PDE1C: variants seen among roughly 807,000 people sequenced by gnomAD.
The protein encoded by PDE1C is dual specificity calcium/calmodulin-dependent 3',5'-cyclic nucleotide phosphodiesterase 1C.
In PDE1C, 62 loss-of-function variants were observed where a neutral mutation model predicts 93.1. The observed-to-expected ratio is 0.67, with a 90% CI of 0.54 to 0.82. PDE1C has a LOEUF of 0.82. PDE1C is among the 40% of genes least tolerant of loss of function. The pLI is 0.00. For synonymous variants in PDE1C, 325 were observed against 310.1 expected (o/e 1.05, Z -0.50); for missense variants, 742 against 884.6 (o/e 0.84, Z 2.04).
upstream of PDE1C, among the ~76,000 whole-genome samples, chr7:32,300,509 G>A (rs1812856975): frequency 1.3e-5 from 2 of 152,186 alleles, no homozygotes; most frequent in Non-Finnish European, 1.5e-5. Context: ...AAATGGCTCT[G>A]CTCACAGATA....
At chr7:31,812,163 C>A (rs3807615) in intron 15 of PDE1C, among the ~76,000 whole-genome samples, 5,332 of 152,152 alleles carry the variant, frequency 0.035, 143 homozygotes, top group African/African-American at 0.068. Flanking sequence ...CTCTAAACTG[C>A]TTTCTTTTCC....
At chr7:32,311,961 A>C (rs1330755509) in intron 1 of PDE1C, among the ~76,000 whole-genome samples, 1 of 151,292 alleles carries the variant, frequency 6.6e-6, no homozygotes, top group Non-Finnish European at 1.5e-5. Flanking sequence ...GAGGAAGTCA[A>C]ATTGTCCCTG....
At chr7:31,836,247 T>G (rs1229615808) in intron 11 of PDE1C, among the ~76,000 whole-genome samples, 1 of 152,242 alleles carries the variant, frequency 6.6e-6, no homozygotes, top group African/African-American at 2.4e-5. Flanking sequence ...TCGGTCTTGG[T>G]GCTATGCATT....
chr7:32,172,396 C>T (rs554357817), intron 2 of PDE1C, among the ~76,000 whole-genome samples: 1 of 152,256 alleles, frequency 6.6e-6, no homozygotes, highest in Non-Finnish European at 1.5e-5. Flanking sequence ...TGAACAGACA[C>T]TTCTCCAAAG....
chr7:32,208,717 C>CCCCT (rs1562581962), intron 2 of PDE1C, among the ~76,000 whole-genome samples: 24 of 152,144 alleles, frequency 1.6e-4, no homozygotes, highest in African/African-American at 5.6e-4. Context: ...TATTTTCCCC[C>CCCCT]CCCTTCTTTG....
chr7:31,680,806 C>A, the PDE1C span, among the ~76,000 whole-genome samples: 1 of 152,092 alleles, frequency 6.6e-6, no homozygotes, highest in African/African-American at 2.4e-5. Context: ...TAGGGCAAAC[C>A]CTAGAAGTCA....
intron 1 of PDE1C, chr7:32,209,668 A>C (rs548182104): frequency 5.8e-5 from 42 of 726,796 alleles, no homozygotes; most frequent in Non-Finnish European, 8.2e-5. Context: ...AAGTGAATAA[A>C]AGCAACTTTA....
At chr7:31,729,948 C>T in the PDE1C span, among the ~76,000 whole-genome samples, 2 of 152,164 alleles carry the variant, frequency 1.3e-5, no homozygotes, top group Admixed American at 1.3e-4. Context: ...GAATGAGACT[C>T]ATGGGGTACA....
At chr7:32,144,277 G>A (rs1015253844) in intron 3 of PDE1C, among the ~76,000 whole-genome samples, 1 of 152,090 alleles carries the variant, frequency 6.6e-6, no homozygotes, top group African/African-American at 2.4e-5. Context: ...TTCTGTGCCA[G>A]CTTTGTATAC....
chr7:32,372,003 G>T lies in PDE1C; in HGVS notation c.310+55819C>A, dbSNP rs186640426. 3.2e-3 allele frequency among the ~76,000 whole-genome samples: 489 copies of T among 151,330 alleles called. 3 individuals are homozygous for T. Among genetic ancestry groups the T allele is most frequent in the Middle Eastern group, 6.9e-3 (2 of 288 alleles). ...ATAAGGATAGACACATAGGTGAATG[G>T]ACTAGAACTGAAAGTCCAGAAATAA... On this transcript the variant is annotated intron_variant, in intron 1 of 1. Coordinates refer to the PDE1C transcript ENST00000672256.
intron 1 of PDE1C, among the ~76,000 whole-genome samples, chr7:32,328,656 C>G (rs1462225679): frequency 6.6e-6 from 1 of 152,168 alleles, no homozygotes; most frequent in Admixed American, 6.5e-5. Flanking sequence ...CCCACTCCAC[C>G]CCTTGCTTGC....
chr7:32,028,373 C>A (rs1789777005), intron 2 of PDE1C, among the ~76,000 whole-genome samples: 1 of 152,072 alleles, frequency 6.6e-6, no homozygotes, highest in Non-Finnish European at 1.5e-5. Flanking sequence ...CTTCATTATT[C>A]CTACTACTGG....
At chr7:31,855,254 G>A (rs186307999) in intron 7 of PDE1C, among the ~76,000 whole-genome samples, 116 of 152,042 alleles carry the variant, frequency 7.6e-4, no homozygotes, top group Non-Finnish European at 2.1e-4. Flanking sequence ...GGCATTGGCA[G>A]AATTCATTTC....
At chr7:32,184,064 C>T (rs1803660397) in intron 2 of PDE1C, among the ~76,000 whole-genome samples, 1 of 152,160 alleles carries the variant, frequency 6.6e-6, no homozygotes. Flanking sequence ...TCATCACTGG[C>T]CATCAGAGAA....
At chr7:32,379,077 C>CTCCTGCTCCAGCTGCATTTCACTTCAGT (rs1784485271) in intron 1 of PDE1C, among the ~76,000 whole-genome samples, 9 of 152,222 alleles carry the variant, frequency 5.9e-5, no homozygotes, top group African/African-American at 2.2e-4. Flanking sequence ...CTACCTACCT[C>CTCCTGCTCCAGCTGCATTTCACTTCAGT]TCCTGCTCCA....
intron 3 of PDE1C, among the ~76,000 whole-genome samples, chr7:32,125,727 G>T (rs191788178): frequency 1.9e-3 from 290 of 152,120 alleles, no homozygotes; most frequent in Middle Eastern, 0.017. Context: ...GGGGGTTGGG[G>T]GGCGAGGGGA....
At chr7:31,799,728 C>G (rs117162726) in intron 16 of PDE1C, among the ~76,000 whole-genome samples, 253 of 151,810 alleles carry the variant, frequency 1.7e-3, no homozygotes, top group Admixed American at 3.9e-3. Context: ...CTTTTGATCA[C>G]AGTTATTTGT....
chr7:32,144,450 C>A (rs1470092443), intron 3 of PDE1C, among the ~76,000 whole-genome samples: 1 of 152,180 alleles, frequency 6.6e-6, no homozygotes, highest in Non-Finnish European at 1.5e-5. Context: ...CTGCCCATCT[C>A]CAGGCAATCA....
intron 2 of PDE1C, among the ~76,000 whole-genome samples, chr7:32,004,141 C>A (rs1279222461): frequency 6.6e-6 from 1 of 152,060 alleles, no homozygotes; most frequent in Non-Finnish European, 1.5e-5. Context: ...CAAATCCCTG[C>A]ATCCCAAGAT....
Sources: gnomAD v4.1 joint callset for allele counts (sites outside exome capture counted in the v4.1 genomes callset) on GRCh38, gnomAD v4.1.1 for gene constraint, MANE v1.5 for transcripts, NCBI Gene and HGNC (gene_info 2026-07-23, HGNC 2026-07-21) for gene names.